NSF: variants seen among roughly 807,000 people sequenced by gnomAD.
NSF encodes vesicle-fusing ATPase.
Under a neutral mutation model 50.3 loss-of-function variants are expected in NSF, and 14 were observed. That is an observed-to-expected ratio of 0.28 (90% CI 0.18 to 0.44). The LOEUF is 0.44. Among genes scored for constraint, NSF ranks in the 20% least tolerant of loss-of-function variants. The pLI is 1.00. For missense variants in NSF, 218 were observed against 504.3 expected (o/e 0.43, Z 5.44); for synonymous variants, 109 against 175.7 (o/e 0.62, Z 3.00).
intron 2 of NSF, among the ~76,000 whole-genome samples, chr17:46,626,008 A>T (rs866109692): frequency 2.1e-4 from 30 of 145,418 alleles, no homozygotes; most frequent in African/African-American, 6.9e-4. Flanking sequence ...TTTTTTTTTT[A>T]TTTACAGGTA....
chr17:46,724,283 C>CTGCA (rs2058864143), intron 15 of NSF, among the ~76,000 whole-genome samples: 1 of 152,174 alleles, frequency 6.6e-6, no homozygotes, highest in African/African-American at 2.4e-5. Context: ...GAAAGGACAA[C>CTGCA]CCGAAAATCT....
At chr17:46,691,775 C>T (rs1193678275) in intron 9 of NSF, among the ~76,000 whole-genome samples, 7 of 151,372 alleles carry the variant, frequency 4.6e-5, no homozygotes, top group African/African-American at 9.8e-5. Context: ...GTTTTTGAGA[C>T]GGAGTCTCAC....
chr17:46,710,840 C>T (rs768573194), intron 13 of NSF, 123 bp from the exon 14 acceptor site: 55 of 827,074 alleles, frequency 6.6e-5, no homozygotes, highest in Non-Finnish European at 9.1e-5. Context: ...GCTTTCCAGG[C>T]TTTTTATATT....
intron 15 of NSF, among the ~76,000 whole-genome samples, chr17:46,715,971 A>G (rs951330739): frequency 1.3e-5 from 2 of 152,230 alleles, no homozygotes; most frequent in African/African-American, 4.8e-5. Context: ...TAACAAATTT[A>G]TATTAGAATT....
chr17:46,728,285 A>AT (rs1313627780), intron 16 of NSF, among the ~76,000 whole-genome samples: 3 of 151,926 alleles, frequency 2.0e-5, no homozygotes, highest in African/African-American at 7.2e-5. Context: ...GAAATTCCTT[A>AT]TTTTCCCCTT....
At chr17:46,657,557 A>G (rs2058269948) in intron 8 of NSF, among the ~76,000 whole-genome samples, 1 of 121,062 alleles carries the variant, frequency 8.3e-6, no homozygotes, top group Non-Finnish European at 1.7e-5. Flanking sequence ...AGGTCTGTAC[A>G]TAAGTTCTGC....
rs537989120 is a variant in NSF, at chr17:46,598,753, A to G, written c.12+7966A>G. 7.9e-3 allele frequency among the ~76,000 whole-genome samples: 1,206 copies of G among 151,908 alleles called. 7 individuals carry two copies. The highest frequency in any genetic ancestry group is 0.028 in the African/African-American group (1,145 of 41,184). ...TTATAACATTTTGTGGGTGAATGAC[A>G]TCATTACCAAACAAACTTTCAGATG... On this transcript the variant is annotated intron_variant, in intron 1 of 20. Coordinates refer to ENST00000398238, the MANE Select transcript of NSF (RefSeq NM_006178.4).
At chr17:46,755,604 A>G in intron 20 of NSF, 198 bp from the exon 21 acceptor site, 1 of 705,722 alleles carries the variant, frequency 1.4e-6, no homozygotes, top group Non-Finnish European at 2.3e-6. Flanking sequence ...AATGGTACAT[A>G]TTTATTGGAA....
At chr17:46,747,787 A>G (rs182964332) in intron 17 of NSF, among the ~76,000 whole-genome samples, 1 of 152,356 alleles carries the variant, frequency 6.6e-6, no homozygotes, top group African/African-American at 2.4e-5. Context: ...CTAGAGAATC[A>G]GTATCCAACT....
At chr17:46,734,482 T>C (rs2058980753) in intron 17 of NSF, among the ~76,000 whole-genome samples, 1 of 152,172 alleles carries the variant, frequency 6.6e-6, no homozygotes, top group Non-Finnish European at 1.5e-5. Flanking sequence ...ATACTCTCTT[T>C]AGGTATACTT....
At chr17:46,613,971 G>A (rs2146125086) in intron 1 of NSF, among the ~76,000 whole-genome samples, 1 of 24,374 alleles carries the variant, frequency 4.1e-5, no homozygotes, top group Non-Finnish European at 6.5e-5. Flanking sequence ...AGTTTGGAAT[G>A]TGGGGTACAT....
rs538747600 is a variant in NSF, at chr17:46,707,841, G to A, written c.1470+2987G>A. 3.3e-5 allele frequency among the ~76,000 whole-genome samples: 5 copies of A among 152,060 alleles called. No homozygotes were observed. The East Asian group carries it at 9.7e-4, about 29-fold the overall frequency. On this transcript the variant is annotated intron_variant, in intron 13 of 20. Transcript: ENST00000398238. ...GAAGTCAGGAGTTCAAAACTAGCCT[G>A]GCCAACATAGTGAAACCCCATCTCT...
At chr17:46,748,588 G>T (rs1488175427) in intron 17 of NSF, among the ~76,000 whole-genome samples, 1 of 152,166 alleles carries the variant, frequency 6.6e-6, no homozygotes, top group Non-Finnish European at 1.5e-5. Context: ...GAAAAGGAAG[G>T]CTGGGATACA....
intron 20 of NSF, 27 bp from the exon 21 acceptor site, chr17:46,755,771 GTTTT>G (rs770897294): frequency 2.1e-5 from 30 of 1,460,010 alleles, no homozygotes; most frequent in Non-Finnish European, 2.7e-5. Context: ...ACCCTCATCT[GTTTT>G]TTTGTGTTTT....
intron 9 of NSF, among the ~76,000 whole-genome samples, chr17:46,688,227 G>A (rs1346263914): frequency 6.6e-6 from 1 of 150,710 alleles, no homozygotes; most frequent in African/African-American, 2.5e-5. Context: ...ACTTTATTGG[G>A]AAGCTGGGCC....
At chr17:46,724,570 C>T (rs1444213476) in intron 15 of NSF, among the ~76,000 whole-genome samples, 4 of 152,196 alleles carry the variant, frequency 2.6e-5, no homozygotes, top group African/African-American at 9.7e-5. Context: ...TTCCAAGGCA[C>T]TGGGGAAATA....
In NSF at chr17:46,684,609, C is replaced by G. The variant is rs1324475576; in HGVS notation, c.946-8294C>G. ...CAGAAATAATGCCACACATCTACAA[C>G]CATCTGATCTTTGACAAACCTGACA... On this transcript the variant is annotated intron_variant, in intron 9 of 20. Transcript: ENST00000398238. 2.0e-5 allele frequency among the ~76,000 whole-genome samples: 3 copies of G among 152,024 alleles called. No individual in the cohort carries two copies. In the East Asian group the frequency reaches 5.8e-4, roughly 29 times the overall value.
chr17:46,731,963 T>C (rs1399875192), intron 17 of NSF, among the ~76,000 whole-genome samples: 3 of 152,216 alleles, frequency 2.0e-5, no homozygotes, highest in Non-Finnish European at 2.9e-5. Context: ...ATTTTCAGGC[T>C]GATCCAAGTG....
intron 16 of NSF, among the ~76,000 whole-genome samples, chr17:46,727,561 A>T (rs934762997): frequency 6.6e-6 from 1 of 151,956 alleles, no homozygotes; most frequent in Non-Finnish European, 1.5e-5. Context: ...GTCCTCTGTT[A>T]TTTATTTTTT....
Sources: gnomAD v4.1 joint callset for allele counts (sites outside exome capture counted in the v4.1 genomes callset) on GRCh38, gnomAD v4.1.1 for gene constraint, MANE v1.5 for transcripts, NCBI Gene and HGNC (gene_info 2026-07-23, HGNC 2026-07-21) for gene names.